SNTG1: variants seen among roughly 807,000 people sequenced by gnomAD.
SNTG1 encodes syntrophin gamma 1.
A neutral mutation model predicts 74.7 loss-of-function variants in SNTG1; 39 were observed. That is an observed-to-expected ratio of 0.52 (90% CI 0.40 to 0.68). The LOEUF is 0.68. Among genes scored for constraint, SNTG1 ranks in the 30% least tolerant of loss-of-function variants. The pLI is 0.00. For synonymous variants in SNTG1, 254 were observed against 217.1 expected, an observed-to-expected ratio of 1.17 and a Z score of -1.49; for missense variants, 685 against 609.5, an observed-to-expected ratio of 1.12 and a Z score of -1.30.
At chr8:50,746,343 A>C (rs1334157261) in intron 17 of SNTG1, among the ~76,000 whole-genome samples, 1 of 151,940 alleles carries the variant, frequency 6.6e-6, no homozygotes, top group Non-Finnish European at 1.5e-5. Flanking sequence ...CACTCAAATC[A>C]CATGCCTTAA....
chr8:50,520,686 G>A (rs1242740538), intron 9 of SNTG1, among the ~76,000 whole-genome samples: 3 of 152,112 alleles, frequency 2.0e-5, no homozygotes, highest in African/African-American at 7.2e-5. Context: ...CATCATCACT[G>A]GTCATTAGAG....
At chr8:50,354,481 G>A (rs541447715) in intron 2 of SNTG1, among the ~76,000 whole-genome samples, 2 of 151,908 alleles carry the variant, frequency 1.3e-5, no homozygotes, top group Non-Finnish European at 2.9e-5. Flanking sequence ...ATTGAATCTT[G>A]CGTGTAGTAG....
intron 18 of SNTG1, among the ~76,000 whole-genome samples, chr8:50,770,972 CA>C (rs1210338712): frequency 6.6e-6 from 1 of 152,058 alleles, no homozygotes; most frequent in Non-Finnish European, 1.5e-5. Context: ...CCACCATAAT[CA>C]GAGCCAAATA....
intron 8 of SNTG1, among the ~76,000 whole-genome samples, chr8:50,492,766 G>T (rs1407578861): frequency 6.6e-6 from 1 of 152,176 alleles, no homozygotes; most frequent in East Asian, 1.9e-4. Flanking sequence ...TTTGGCTTTT[G>T]TTGCCATTGC....
intron 1 of SNTG1, among the ~76,000 whole-genome samples, chr8:49,931,204 C>T (rs1001933469): frequency 3.3e-5 from 5 of 152,182 alleles, no homozygotes; most frequent in African/African-American, 1.2e-4. Context: ...AACAGGAACT[C>T]TCATATTGCA....
At chr8:50,149,969 A>G (rs1336684227) in intron 1 of SNTG1, among the ~76,000 whole-genome samples, 3 of 152,156 alleles carry the variant, frequency 2.0e-5, no homozygotes, top group Admixed American at 6.6e-5. Context: ...CATTGAATCT[A>G]TAAATTACCT....
chr8:50,221,590 G>A (rs1009966419), intron 2 of SNTG1, among the ~76,000 whole-genome samples: 1 of 151,662 alleles, frequency 6.6e-6, no homozygotes, highest in East Asian at 1.9e-4. Context: ...TAAAGGCAAT[G>A]AGAGAGTTAG....
At chr8:49,968,788 T>C (rs1811381162) in intron 1 of SNTG1, among the ~76,000 whole-genome samples, 1 of 152,150 alleles carries the variant, frequency 6.6e-6, no homozygotes, top group African/African-American at 2.4e-5. Context: ...AATCCAATCA[T>C]AATTATTTAC....
intron 1 of SNTG1, among the ~76,000 whole-genome samples, chr8:50,132,709 G>A (rs1451111805): frequency 6.6e-6 from 1 of 152,128 alleles, no homozygotes; most frequent in Non-Finnish European, 1.5e-5. Flanking sequence ...TTATACCCTA[G>A]AATTTTTCCT....
At chr8:50,678,237 A>G (rs2095316982) in intron 15 of SNTG1, among the ~76,000 whole-genome samples, 1 of 152,080 alleles carries the variant, frequency 6.6e-6, no homozygotes, top group Admixed American at 6.6e-5. Flanking sequence ...GCATATATCA[A>G]ACATTCTCTA....
chr8:50,667,696 T>C (rs1475797734), intron 15 of SNTG1, among the ~76,000 whole-genome samples: 1 of 152,058 alleles, frequency 6.6e-6, no homozygotes, highest in Non-Finnish European at 1.5e-5. Flanking sequence ...CAAACCATAG[T>C]ACCATCTTAG....
At chr8:50,397,399 T>G (rs2092741325) in intron 3 of SNTG1, among the ~76,000 whole-genome samples, 1 of 152,216 alleles carries the variant, frequency 6.6e-6, no homozygotes, top group African/African-American at 2.4e-5. Context: ...ACTTTGCAGG[T>G]GGGGCTGTTT....
In SNTG1 at chr8:50,552,990, C is replaced by T. The variant is rs531164424; in HGVS notation, c.681-60C>T. ...ATAAGCTTTTCAACAGATACTATTA[C>T]GAGCTGCAAATAGATCAATGACATG... On this transcript the variant is annotated intron_variant, in intron 11 of 18. Coordinates refer to ENST00000642720, the MANE Select transcript of SNTG1 (RefSeq NM_018967.5). The T allele has an allele frequency of 6.4e-5, 102 of 1,591,664 alleles. No individual in the cohort carries two copies. In the African/African-American group the frequency reaches 6.5e-4, roughly 10 times the overall value.
chr8:50,322,287 G>GT (rs559660263), intron 2 of SNTG1, among the ~76,000 whole-genome samples: 17 of 151,790 alleles, frequency 1.1e-4, no homozygotes, highest in East Asian at 1.9e-4. Flanking sequence ...GAAAAAAGGT[G>GT]TTTTTTTCTT....
Position 50,099,545 on chromosome 8 carries a change from T to A in SNTG1, c.-102-73016T>A, listed in dbSNP as rs574563942. ...TCCTGTGCCAAATGGTAGATCTATATGCAGCTTCTTGAGGAAACTTCATGC... is the reference window on the plus strand; with the variant it reads ...TCCTGTGCCAAATGGTAGATCTATAAGCAGCTTCTTGAGGAAACTTCATGC... On this transcript the variant is annotated intron_variant, in intron 1 of 18. Coordinates refer to ENST00000642720, the MANE Select transcript of SNTG1 (RefSeq NM_018967.5). 6.6e-5 allele frequency among the ~76,000 whole-genome samples: 10 copies of A among 152,272 alleles called. No homozygotes were observed. In the East Asian group the frequency reaches 1.9e-3, roughly 29 times the overall value.
chr8:50,607,767 T>G (rs774603076), intron 13 of SNTG1, among the ~76,000 whole-genome samples: 35 of 151,606 alleles, frequency 2.3e-4, no homozygotes, highest in Non-Finnish European at 5.0e-4. Flanking sequence ...GGCTTTCTGT[T>G]TAATTTACTC....
intron 4 of SNTG1, among the ~76,000 whole-genome samples, chr8:50,417,553 C>T (rs80269302): frequency 0.047 from 7,122 of 152,168 alleles, 218 homozygotes; most frequent in Middle Eastern, 0.095. Context: ...AAGTGGCTCA[C>T]GTAAGATATA....
chr8:49,956,883 C>T (rs532834903), intron 1 of SNTG1, among the ~76,000 whole-genome samples: 5 of 152,176 alleles, frequency 3.3e-5, no homozygotes, highest in East Asian at 1.9e-4. Context: ...CTTTCCCCTC[C>T]TCCAGCTTTA....
At chr8:50,521,435 A>T (rs891294030) in intron 9 of SNTG1, among the ~76,000 whole-genome samples, 2 of 152,036 alleles carry the variant, frequency 1.3e-5, no homozygotes, top group Non-Finnish European at 2.9e-5. Flanking sequence ...AATTTTTGCT[A>T]AAACATGCTA....
Sources: allele counts gnomAD v4.1 joint callset (sites outside exome capture counted in the v4.1 genomes callset), GRCh38; gene constraint gnomAD v4.1.1; transcripts MANE v1.5; gene names NCBI Gene and HGNC (gene_info 2026-07-23, HGNC 2026-07-21).